The following CDKAL1 variants were observed in gnomAD, a reference collection of about 807,000 sequenced individuals.
The protein encoded by CDKAL1 is threonylcarbamoyladenosine tRNA methylthiotransferase.
In CDKAL1, 32 loss-of-function variants were observed where a neutral mutation model predicts 68.2. That is an observed-to-expected ratio of 0.47 (90% CI 0.35 to 0.63). The LOEUF (loss-of-function observed/expected upper bound fraction) is 0.63. Among genes scored for constraint, CDKAL1 ranks in the 30% least tolerant of loss-of-function variants. CDKAL1 has a pLI of 0.00. For synonymous variants in CDKAL1, 234 were observed against 244.3 expected (o/e 0.96, Z 0.39); for missense variants, 606 against 696.7 (o/e 0.87, Z 1.47).
At chr6:21,220,190 G>A (rs377151297) in intron 15 of CDKAL1, among the ~76,000 whole-genome samples, 1 of 146,302 alleles carries the variant, frequency 6.8e-6, no homozygotes, top group Non-Finnish European at 1.5e-5. Flanking sequence ...GTTAAAGCTC[G>A]TGCGTGCGTG....
intron 5 of CDKAL1, among the ~76,000 whole-genome samples, chr6:20,663,253 A>G (rs935812773): frequency 2.7e-5 from 4 of 149,936 alleles, no homozygotes; most frequent in Non-Finnish European, 5.9e-5. Flanking sequence ...TTTTGTTTTT[A>G]TACTGCACAC....
At chr6:21,047,391 T>C (rs998239365) in intron 11 of CDKAL1, among the ~76,000 whole-genome samples, 13 of 152,238 alleles carry the variant, frequency 8.5e-5, no homozygotes, top group African/African-American at 2.9e-4. Context: ...TCTCCACTTA[T>C]TCCTTTCCCA....
intron 4 of CDKAL1, among the ~76,000 whole-genome samples, chr6:20,584,808 T>A (rs1307128372): frequency 6.6e-6 from 1 of 152,162 alleles, no homozygotes; most frequent in East Asian, 1.9e-4. Context: ...AATACCACTT[T>A]TCCCCGCACC....
rs567355774 is a variant in CDKAL1, at chr6:21,053,489, G to C, written c.1056-11559G>C. Among the ~76,000 whole-genome samples the C allele has an allele frequency of 2.6e-5, 4 of 152,334 alleles. No individual in the cohort carries two copies. The East Asian group carries it at 7.7e-4, about 29-fold the overall frequency. ...CGTTTCCCTTGGGTAGACACCTAGA[G>C]TAGAATTGCTGGGTCACAGTAAGTG... is the stretch of plus-strand genomic sequence containing the variant. On this transcript the variant is annotated intron_variant, in intron 11 of 15. Transcript: ENST00000274695.
chr6:20,909,812 G>T (rs1024448502), intron 9 of CDKAL1, among the ~76,000 whole-genome samples: 1 of 152,132 alleles, frequency 6.6e-6, no homozygotes, highest in African/African-American at 2.4e-5. Flanking sequence ...TGCCAGGAGG[G>T]ACTGAGCAGC....
intron 13 of CDKAL1, among the ~76,000 whole-genome samples, chr6:21,114,201 T>A (rs1774276337): frequency 7.0e-6 from 1 of 142,272 alleles, no homozygotes; most frequent in African/African-American, 2.7e-5. Context: ...TGAGCCGAGA[T>A]CTCGCCACTG....
rs370526366 is a variant in CDKAL1, at chr6:20,856,217, A to G, written c.742+10039A>G. On this transcript the variant is annotated intron_variant, in intron 9 of 15. Coordinates refer to ENST00000274695, the MANE Select transcript of CDKAL1 (RefSeq NM_017774.3). The stretch of plus-strand genomic sequence containing the variant: ...TAGGACATGGGAAGACTTAACCAAG[A>G]GGGGATTGGGGTCAGGCGTATGTGG... Among the ~76,000 whole-genome samples, 12 of 152,156 alleles carry G rather than the reference A, an allele frequency of 7.9e-5. No individual in the cohort carries two copies. The East Asian group carries it at 9.6e-4, about 12-fold the overall frequency.
chr6:21,176,696 G>GTTTTTTTTTTTTTTTTTTT (rs1169908107), intron 13 of CDKAL1, among the ~76,000 whole-genome samples: 2 of 100,522 alleles, frequency 2.0e-5, no homozygotes, highest in African/African-American at 3.8e-5. Context: ...TTTTTTTTTT[G>GTTTTTTTTTTTTTTTTTTT]TTTTTTTTTT....
intron 10 of CDKAL1, among the ~76,000 whole-genome samples, chr6:20,969,487 ATATC>A (rs1042465412): frequency 6.6e-6 from 1 of 152,158 alleles, no homozygotes; most frequent in African/African-American, 2.4e-5. Flanking sequence ...AGACAAAAGA[ATATC>A]TATGTATAAG....
intron 7 of CDKAL1, among the ~76,000 whole-genome samples, chr6:20,773,238 T>C (rs1775020630): frequency 6.6e-6 from 1 of 152,240 alleles, no homozygotes; most frequent in Admixed American, 6.5e-5. Flanking sequence ...TCTTTTAAGA[T>C]GAAATATTTC....
intron 11 of CDKAL1, among the ~76,000 whole-genome samples, chr6:21,031,103 G>A (rs1431463955): frequency 6.6e-6 from 1 of 152,038 alleles, no homozygotes; most frequent in Non-Finnish European, 1.5e-5. Context: ...GGTCGGGGCT[G>A]TGCTCTCATC....
intron 4 of CDKAL1, among the ~76,000 whole-genome samples, chr6:20,613,320 G>T (rs1766731622): frequency 8.2e-6 from 1 of 122,278 alleles, no homozygotes. Context: ...TGTCACCCAG[G>T]CTAGAGTGCA....
At chr6:20,710,913 A>G (rs1177012931) in intron 5 of CDKAL1, among the ~76,000 whole-genome samples, 1 of 152,160 alleles carries the variant, frequency 6.6e-6, no homozygotes, top group Non-Finnish European at 1.5e-5. Flanking sequence ...GGTCCTACCT[A>G]TTGACATGAT....
At chr6:21,075,818 G>A (rs1208245394) in intron 12 of CDKAL1, among the ~76,000 whole-genome samples, 2 of 151,938 alleles carry the variant, frequency 1.3e-5, no homozygotes, top group Admixed American at 6.5e-5. Flanking sequence ...GATCCTCGGC[G>A]GTCAATTCCA....
At chr6:20,825,585 G>A (rs948617004) in intron 8 of CDKAL1, among the ~76,000 whole-genome samples, 1 of 152,104 alleles carries the variant, frequency 6.6e-6, no homozygotes, top group African/African-American at 2.4e-5. Flanking sequence ...ATAACATTAT[G>A]TCACACACTG....
intron 11 of CDKAL1, among the ~76,000 whole-genome samples, chr6:21,040,767 G>C (rs983907628): frequency 1.3e-5 from 2 of 151,980 alleles, no homozygotes; most frequent in African/African-American, 4.8e-5. Flanking sequence ...ATGATATACT[G>C]GCCTAAAATT....
intron 11 of CDKAL1, among the ~76,000 whole-genome samples, chr6:21,051,155 G>A (rs1313987347): frequency 2.0e-5 from 3 of 152,110 alleles, no homozygotes; most frequent in Admixed American, 6.6e-5. Context: ...CAGGAATTCA[G>A]GACAAGCTTG....
intron 4 of CDKAL1, among the ~76,000 whole-genome samples, chr6:20,562,834 C>CTATACGGTGCTTTTTCTTGAA (rs1764321043): frequency 6.6e-6 from 1 of 152,102 alleles, no homozygotes; most frequent in South Asian, 2.1e-4. Context: ...TTCTCATGTC[C>CTATACGGTGCTTTTTCTTGAA]TATACGGTGC....
chr6:20,684,695 T>A (rs774946771), intron 5 of CDKAL1, among the ~76,000 whole-genome samples: 12 of 151,140 alleles, frequency 7.9e-5, no homozygotes, highest in Admixed American at 1.3e-4. Flanking sequence ...GTTAGCAGTG[T>A]TCTGGATTTG....
Sources: gnomAD v4.1 joint callset for allele counts (sites outside exome capture counted in the v4.1 genomes callset) on GRCh38, gnomAD v4.1.1 for gene constraint, MANE v1.5 for transcripts, NCBI Gene and HGNC (gene_info 2026-07-23, HGNC 2026-07-21) for gene names.